Variants in POU2F1 observed in about 807,000 individuals in gnomAD.
POU2F1 encodes POU class 2 homeobox 1.
A neutral mutation model predicts 84.9 loss-of-function variants in POU2F1; 16 were observed. The observed-to-expected ratio is 0.19, with a 90% CI of 0.13 to 0.29. POU2F1 has a LOEUF of 0.29. Ranked by LOEUF, POU2F1 falls within the 10% of genes least tolerant of loss-of-function variation. POU2F1 has a pLI of 1.00. For synonymous variants in POU2F1, 368 were observed against 368.3 expected, an observed-to-expected ratio of 1.00 and a Z score of 0.01; for missense variants, 738 against 942.6, an observed-to-expected ratio of 0.78 and a Z score of 2.84.
chr1:167,264,089 A>G (rs1226794642), intron 1 of POU2F1, among the ~76,000 whole-genome samples: 1 of 152,192 alleles, frequency 6.6e-6, no homozygotes, highest in Non-Finnish European at 1.5e-5. Context: ...CAATGTTGCA[A>G]TTACAAACTT....
intron 1 of POU2F1, among the ~76,000 whole-genome samples, chr1:167,283,047 CT>C (rs1360389252): frequency 1.3e-5 from 2 of 152,140 alleles, no homozygotes; most frequent in Non-Finnish European, 2.9e-5. Flanking sequence ...GAACATTAAC[CT>C]ATTACTATCT....
intron 2 of POU2F1, among the ~76,000 whole-genome samples, chr1:167,335,595 G>A (rs1657393467): frequency 1.3e-5 from 2 of 152,250 alleles, no homozygotes; most frequent in South Asian, 2.1e-4. Flanking sequence ...GCAAAACTGA[G>A]CAATCATTCA....
intron 2 of POU2F1, among the ~76,000 whole-genome samples, chr1:167,360,052 A>G (rs1236784023): frequency 6.6e-6 from 1 of 151,630 alleles, no homozygotes; most frequent in Non-Finnish European, 1.5e-5. Flanking sequence ...TAAGTTCCTT[A>G]TAGATTTTGG....
chr1:167,348,215 C>T (rs1658326083), intron 2 of POU2F1, among the ~76,000 whole-genome samples: 1 of 152,072 alleles, frequency 6.6e-6, no homozygotes, highest in Non-Finnish European at 1.5e-5. Context: ...ATACTGAATA[C>T]TGTATGCAAT....
intron 1 of POU2F1, among the ~76,000 whole-genome samples, chr1:167,307,744 A>C (rs1655179015): frequency 6.6e-6 from 1 of 152,144 alleles, no homozygotes; most frequent in African/African-American, 2.4e-5. Context: ...ACTATCGACT[A>C]ATCCGTAGAC....
At chr1:167,280,178 A>G (rs1653021175) in intron 1 of POU2F1, among the ~76,000 whole-genome samples, 2 of 131,342 alleles carry the variant, frequency 1.5e-5, no homozygotes, top group Admixed American at 1.7e-4. Context: ...ACAGAGTGAT[A>G]CTCTGTCTCG....
chr1:167,371,103 A>C (rs1659975946), intron 4 of POU2F1, among the ~76,000 whole-genome samples: 1 of 152,182 alleles, frequency 6.6e-6, no homozygotes, highest in Non-Finnish European at 1.5e-5. Context: ...AGAGAAAAGA[A>C]AAAGAGATAA....
intron 2 of POU2F1, among the ~76,000 whole-genome samples, chr1:167,351,565 A>AGAAACTAT (rs1333241110): frequency 4.0e-5 from 6 of 151,338 alleles, no homozygotes; most frequent in Non-Finnish European, 8.8e-5. Context: ...AAAAAAGAAA[A>AGAAACTAT]GAAACTATTA....
intron 2 of POU2F1, among the ~76,000 whole-genome samples, chr1:167,333,118 T>C (rs1657183595): frequency 6.6e-6 from 1 of 152,190 alleles, no homozygotes; most frequent in African/African-American, 2.4e-5. Flanking sequence ...CATTCTTTTA[T>C]TTGGTAATTT....
At chr1:167,292,567 T>G (rs989886256) in intron 1 of POU2F1, among the ~76,000 whole-genome samples, 1 of 151,342 alleles carries the variant, frequency 6.6e-6, no homozygotes, top group Middle Eastern at 3.4e-3. Context: ...AAAGAAGAAT[T>G]GGTACCAATT....
At position 167,405,646 on chromosome 1, in the gene POU2F1, C is replaced by G. The variant is rs534907942; in HGVS notation, c.1555+4090C>G. Among the ~76,000 whole-genome samples, 10 of 152,226 alleles carry G rather than the reference C, an allele frequency of 6.6e-5. No individual in the cohort carries two copies. The South Asian group carries it at 2.1e-3, about 32-fold the overall frequency. ...GAGGCTGCAATAAGCTGAGATTGTA[C>G]CACTGAACTCCAGCTTGAGAACAGA... On this transcript the variant is annotated intron_variant, in intron 13 of 15. Transcript: ENST00000367866.
At position 167,374,140 on chromosome 1, in the gene POU2F1, A is replaced by C; in HGVS notation, c.435A>C (p.Leu145=). ...LTLTPAQQQL[L]LQQAQAQAQL... ...TGACGCCTGCCCAGCAACAGTTACT[A>C]CTCCAGCAGGCACAGGCACAGGCAC... The change falls in exon 6 of 16, where the codon CTA becomes CTC. Residue 145 remains leucine (L), a synonymous_variant. Coordinates refer to ENST00000367866, the MANE Select transcript of POU2F1 (RefSeq NM_002697.4). 1 of 1,613,846 alleles carries C rather than the reference A, an allele frequency of 6.2e-7. No homozygotes were observed. Among genetic ancestry groups the C allele is most frequent in the Non-Finnish European group, 8.5e-7 (1 of 1,179,948 alleles).
At chr1:167,245,095 C>T (rs1378703917) in intron 1 of POU2F1, among the ~76,000 whole-genome samples, 4 of 152,024 alleles carry the variant, frequency 2.6e-5, no homozygotes, top group Non-Finnish European at 1.5e-5. Context: ...TAAAAAAATC[C>T]GTGCCCTTCA....
In POU2F1 at chr1:167,423,798, A is replaced by G. The variant is rs1650788753; in HGVS notation, c.*7988A>G. On this transcript the variant is annotated 3_prime_UTR_variant, in exon 16 of 16. Transcript: ENST00000367866. ...TATAAGTTAGCCACAGCTTCACAAG[A>G]GCAGCTTAAGGCTTCTTTCATAAAT... 1 of 152,242 alleles carries G rather than the reference A, an allele frequency of 6.6e-6. No individual in the cohort carries two copies. The highest frequency in any genetic ancestry group is 2.4e-5 in the African/African-American group (1 of 41,456). 9.4% of individuals were successfully genotyped at this position (152,242 alleles called of 1,614,324 possible).
At chr1:167,223,786 A>T (rs946237843) in intron 1 of POU2F1, among the ~76,000 whole-genome samples, 2 of 152,194 alleles carry the variant, frequency 1.3e-5, no homozygotes, top group Non-Finnish European at 1.5e-5. Flanking sequence ...TGCTTCAGAG[A>T]CCTGAAGTAT....
intron 1 of POU2F1, among the ~76,000 whole-genome samples, chr1:167,319,746 A>G (rs71572446): frequency 0.012 from 1,846 of 152,086 alleles, 14 homozygotes; most frequent in South Asian, 0.027. Context: ...GTATCTACAC[A>G]TACGTGCACA....
intron 1 of POU2F1, among the ~76,000 whole-genome samples, chr1:167,271,892 A>G (rs1032368291): frequency 6.6e-6 from 1 of 152,220 alleles, no homozygotes; most frequent in Non-Finnish European, 1.5e-5. Flanking sequence ...GGGGAAAATA[A>G]AAAGCATAAT....
At chr1:167,301,841 TTTC>T (rs1225851519) in intron 1 of POU2F1, among the ~76,000 whole-genome samples, 1 of 152,184 alleles carries the variant, frequency 6.6e-6, no homozygotes, top group Non-Finnish European at 1.5e-5. Flanking sequence ...GTTTTAGGTA[TTTC>T]TTCTTGTAAT....
chr1:167,290,484 G>A (rs1446375349), intron 1 of POU2F1, among the ~76,000 whole-genome samples: 1 of 152,208 alleles, frequency 6.6e-6, no homozygotes, highest in African/African-American at 2.4e-5. Context: ...TTTAGTAAAA[G>A]CATTTCTTAG....
Sources: allele counts gnomAD v4.1 joint callset (sites outside exome capture counted in the v4.1 genomes callset), GRCh38; gene constraint gnomAD v4.1.1; transcripts MANE v1.5; gene names NCBI Gene and HGNC (gene_info 2026-07-23, HGNC 2026-07-21).